Variants in SMYD3 observed in about 807,000 individuals in gnomAD.
The protein encoded by SMYD3 is histone-lysine N-methyltransferase SMYD3.
A neutral mutation model predicts 57.7 loss-of-function variants in SMYD3; 36 were observed. The ratio of observed to expected loss-of-function variants is 0.62; its 90% CI spans 0.48 to 0.82. The LOEUF (loss-of-function observed/expected upper bound fraction) is 0.82, where lower values mean the gene tolerates loss of function less well. Ranked by LOEUF, SMYD3 falls within the 40% of genes least tolerant of loss-of-function variation. The pLI, the probability that SMYD3 is intolerant of heterozygous loss-of-function variation, is 0.00. For synonymous variants in SMYD3, 211 were observed against 195.0 expected (o/e 1.08, Z -0.68); for missense variants, 515 against 538.8 (o/e 0.96, Z 0.44).
At position 246,111,843 on chromosome 1, in the gene SMYD3, T is replaced by C. The variant is rs1011419940; in HGVS notation, c.532-181906A>G. ...ATAGGTCTGCTCAGTCTATGGCTAATACAAGACCTTGCTTATGATAGACTT... is the reference window on the plus strand; with the variant it reads ...ATAGGTCTGCTCAGTCTATGGCTAACACAAGACCTTGCTTATGATAGACTT... On this transcript the variant is annotated intron_variant, in intron 5 of 11. Transcript: ENST00000490107. Among the ~76,000 whole-genome samples the C allele has an allele frequency of 2.6e-5, 4 of 152,252 alleles. No homozygotes were observed. In the South Asian group the frequency reaches 8.3e-4, roughly 31 times the overall value.
In SMYD3 at chr1:245,917,636, G is replaced by T. The variant is rs142361262; in HGVS notation, c.703-1996C>A. Among the ~76,000 whole-genome samples the T allele has an allele frequency of 1.1e-3, 168 of 152,180 alleles. 2 individuals carry two copies. The highest frequency in any genetic ancestry group is 3.8e-3 in the African/African-American group (158 of 41,514). On this transcript the variant is annotated intron_variant, in intron 7 of 11. Coordinates refer to ENST00000490107, the MANE Select transcript of SMYD3 (RefSeq NM_001167740.2). Reference sequence around the variant, plus strand: ...AGTTTCAGTCAAATCCCACTTTCTCGTTCAGGTCTAACCTCAATGCCCTAT... The same window carrying T: ...AGTTTCAGTCAAATCCCACTTTCTCTTTCAGGTCTAACCTCAATGCCCTAT...
At chr1:245,880,961 G>A (rs373953417) in intron 8 of SMYD3, among the ~76,000 whole-genome samples, 9 of 152,104 alleles carry the variant, frequency 5.9e-5, no homozygotes, top group East Asian at 1.9e-4. Flanking sequence ...CATTGAGTAC[G>A]GATACCCACC....
intron 5 of SMYD3, among the ~76,000 whole-genome samples, chr1:245,946,111 C>T (rs918325824): frequency 1.3e-5 from 2 of 152,092 alleles, no homozygotes; most frequent in Non-Finnish European, 2.9e-5. Context: ...CATGCACCCC[C>T]GCAGTTAAAT....
intron 10 of SMYD3, among the ~76,000 whole-genome samples, chr1:245,825,212 C>T (rs528869368): frequency 6.6e-6 from 1 of 152,110 alleles, no homozygotes; most frequent in Non-Finnish European, 1.5e-5. Context: ...TCTTTGCCAG[C>T]GTGTGTCAGC....
intron 5 of SMYD3, among the ~76,000 whole-genome samples, chr1:246,001,899 A>G (rs1171853887): frequency 6.6e-6 from 1 of 152,156 alleles, no homozygotes; most frequent in African/African-American, 2.4e-5. Flanking sequence ...TCCTTTGTTC[A>G]GAACAAGAGA....
Position 246,125,105 on chromosome 1 carries a change from C to CACACACACACACAT in SMYD3, c.532-195169_532-195168insATGTGTGTGTGTGT, listed in dbSNP as rs2061491272. Among the ~76,000 whole-genome samples the CACACACACACACAT allele has an allele frequency of 2.0e-5, 3 of 149,630 alleles. No homozygotes were observed. In the South Asian group the frequency reaches 6.4e-4, roughly 32 times the overall value. On this transcript the variant is annotated intron_variant, in intron 5 of 11. Transcript: ENST00000490107. ...AAAAAAAAACACACACACACACACA[C>CACACACACACACAT]ATCTGGAATTTCCCTTATGGAGTTA...
chr1:245,764,006 C>T, intron 11 of SMYD3, 35 bp downstream of exon 11: 2 of 1,522,084 alleles, frequency 1.3e-6, no homozygotes, highest in Non-Finnish European at 9.1e-7. Flanking sequence ...AAAAAGGATG[C>T]CAGGCAGAAC....
At chr1:245,806,739 T>C (rs568184023) in intron 10 of SMYD3, among the ~76,000 whole-genome samples, 1 of 149,942 alleles carries the variant, frequency 6.7e-6, no homozygotes, top group East Asian at 2.0e-4. Context: ...TGAAACCCCG[T>C]CTCTACTAAA....
chr1:246,233,085 A>G (rs868734431), intron 5 of SMYD3, among the ~76,000 whole-genome samples: 182 of 129,670 alleles, frequency 1.4e-3, no homozygotes, highest in African/African-American at 4.5e-3. Context: ...CATATACCAC[A>G]CAGAGGAGAA....
At chr1:246,342,339 C>T (rs1345938759) in intron 2 of SMYD3, among the ~76,000 whole-genome samples, 3 of 152,098 alleles carry the variant, frequency 2.0e-5, no homozygotes, top group Non-Finnish European at 4.4e-5. Flanking sequence ...TGAGCTGCCA[C>T]GCAACTTGCA....
chr1:245,803,515 A>G (rs1420456512), intron 10 of SMYD3, among the ~76,000 whole-genome samples: 1 of 152,186 alleles, frequency 6.6e-6, no homozygotes, highest in African/African-American at 2.4e-5. Context: ...TGGCTGGGGA[A>G]AGTGGTATTC....
intron 5 of SMYD3, among the ~76,000 whole-genome samples, chr1:245,961,850 A>G (rs951165712): frequency 2.0e-5 from 3 of 152,204 alleles, no homozygotes; most frequent in Non-Finnish European, 4.4e-5. Flanking sequence ...CCTCACAGCC[A>G]TCACCTCGTC....
intron 5 of SMYD3, among the ~76,000 whole-genome samples, chr1:246,123,937 T>C (rs2061465686): frequency 6.6e-6 from 1 of 152,190 alleles, no homozygotes; most frequent in African/African-American, 2.4e-5. Flanking sequence ...CAACGCCTCT[T>C]ACAAGTCATG....
At chr1:246,461,776 C>T (rs569327776) in intron 1 of SMYD3, among the ~76,000 whole-genome samples, 1 of 151,176 alleles carries the variant, frequency 6.6e-6, no homozygotes, top group South Asian at 2.1e-4. Flanking sequence ...AATGTATTCG[C>T]AAACTTTGTT....
intron 5 of SMYD3, among the ~76,000 whole-genome samples, chr1:246,153,039 G>A (rs2061967310): frequency 2.0e-5 from 3 of 152,112 alleles, no homozygotes; most frequent in South Asian, 4.1e-4. Context: ...ATTTTCTCTT[G>A]TAGCTGCATG....
intron 5 of SMYD3, among the ~76,000 whole-genome samples, chr1:246,060,004 G>A (rs759007312): frequency 3.9e-5 from 6 of 152,088 alleles, no homozygotes; most frequent in Non-Finnish European, 8.8e-5. Flanking sequence ...AAAAGTTGGC[G>A]GGGCATAATG....
intron 10 of SMYD3, among the ~76,000 whole-genome samples, chr1:245,797,849 G>T (rs111701233): frequency 1.0e-5 from 1 of 96,964 alleles, no homozygotes; most frequent in Admixed American, 9.4e-5. Flanking sequence ...AAAAAAAAAA[G>T]GTGGATCAAG....
chr1:246,089,818 C>T (rs982462143), intron 5 of SMYD3, among the ~76,000 whole-genome samples: 6 of 151,948 alleles, frequency 3.9e-5, no homozygotes, highest in Non-Finnish European at 8.8e-5. Flanking sequence ...CATGTTTTCT[C>T]GCCCTCCAAA....
At chr1:245,829,289 C>G (rs1382996264) in intron 10 of SMYD3, among the ~76,000 whole-genome samples, 2 of 151,928 alleles carry the variant, frequency 1.3e-5, no homozygotes, top group Non-Finnish European at 1.5e-5. Flanking sequence ...TTATTGGGAG[C>G]CTATTGTACA....
Sources: allele counts gnomAD v4.1 joint callset (sites outside exome capture counted in the v4.1 genomes callset), GRCh38; gene constraint gnomAD v4.1.1; transcripts MANE v1.5; gene names NCBI Gene and HGNC (gene_info 2026-07-23, HGNC 2026-07-21).